ESRRG: variants seen among roughly 807,000 people sequenced by gnomAD.
ESRRG encodes the protein estrogen related receptor gamma.
ESRRG carries 13 observed loss-of-function variants against 44.0 expected under a neutral mutation model. The ratio of observed to expected loss-of-function variants is 0.30; its 90% CI spans 0.19 to 0.47. The LOEUF (loss-of-function observed/expected upper bound fraction) is 0.47, where lower values mean the gene tolerates loss of function less well. Among genes scored for constraint, ESRRG ranks in the 20% least tolerant of loss-of-function variants. The pLI is 1.00. For synonymous variants in ESRRG, 215 were observed against 214.6 expected (o/e 1.00, Z -0.02); for missense variants, 395 against 580.6 (o/e 0.68, Z 3.29).
At chr1:216,730,352 AG>A (rs1358728358) in intron 2 of ESRRG, among the ~76,000 whole-genome samples, 4 of 151,938 alleles carry the variant, frequency 2.6e-5, no homozygotes, top group Non-Finnish European at 2.9e-5. Flanking sequence ...AAAGAAAAAA[AG>A]GTACATAGTT....
intron 1 of ESRRG, among the ~76,000 whole-genome samples, chr1:217,107,238 G>A (rs1213960969): frequency 6.6e-6 from 1 of 152,208 alleles, no homozygotes; most frequent in African/African-American, 2.4e-5. Flanking sequence ...CAAATCTCCT[G>A]TTCCTTCGGA....
At position 216,995,002 on chromosome 1, in the gene ESRRG, A is replaced by T. The variant is rs189279660; in HGVS notation, c.-105-55329T>A. Among the ~76,000 whole-genome samples the T allele has an allele frequency of 6.2e-4, 95 of 152,288 alleles. 1 individual carries two copies. Among genetic ancestry groups the T allele is most frequent in the Middle Eastern group, 3.4e-3 (1 of 294 alleles). On this transcript the variant is annotated intron_variant, in intron 1 of 7. Transcript: ENST00000359162. ...CCAGCTTTGCTGTTTACTGTGATGA[A>T]ACAGAAGATGGCATTCGTCTTCAGG...
intron 5 of ESRRG, among the ~76,000 whole-genome samples, chr1:216,523,502 GTTTTT>G (rs572065983): frequency 7.1e-6 from 1 of 141,274 alleles, no homozygotes; most frequent in Non-Finnish European, 1.5e-5. Context: ...TTTTTTTTTT[GTTTTT>G]TTTTTTTTTT....
At chr1:217,066,520 C>T (rs12031786) in intron 1 of ESRRG, among the ~76,000 whole-genome samples, 20,660 of 149,866 alleles carry the variant, frequency 0.14, 2,115 homozygotes, top group East Asian at 0.59. Context: ...GGATTACAGG[C>T]GTTAGCCACT....
chr1:216,805,477 G>A (rs1051901155), intron 2 of ESRRG: 6 of 152,130 alleles, frequency 3.9e-5, no homozygotes, highest in African/African-American at 7.2e-5. Context: ...CCAGTAACAC[G>A]ATACCATGAA....
At position 216,520,749 on chromosome 1, in the gene ESRRG, G is replaced by C. The variant is rs566009177; in HGVS notation, c.863-1328C>G. 5.9e-5 allele frequency among the ~76,000 whole-genome samples: 9 copies of C among 152,226 alleles called. No homozygotes were observed. In the East Asian group the frequency reaches 1.7e-3, roughly 29 times the overall value. ...CACCAGTAATTCTACAGAAAGGAAG[G>C]ACCATTTTTAATAATGCAACTTAAG... On this transcript the variant is annotated intron_variant, in intron 5 of 6. Coordinates refer to ENST00000408911, the MANE Select transcript of ESRRG (RefSeq NM_001438.4).
intron 1 of ESRRG, among the ~76,000 whole-genome samples, chr1:217,029,822 A>T (rs2081789283): frequency 6.6e-6 from 1 of 152,218 alleles, no homozygotes; most frequent in Non-Finnish European, 1.5e-5. Flanking sequence ...CAGGTCCAAA[A>T]AATAAAAACG....
At position 216,506,299 on chromosome 1, in the gene ESRRG, A is replaced by G. The variant is rs973306738; in HGVS notation, c.*640T>C. 27 of 212,898 alleles carry G rather than the reference A, an allele frequency of 1.3e-4. No homozygotes were observed. The highest frequency in any genetic ancestry group is 2.0e-3 in the Middle Eastern group (1 of 500). 13.2% of individuals were successfully genotyped at this position (212,898 alleles called of 1,614,324 possible). ...CTCTTTGATTCCTTAGTCATTGGGGACAGTATGGTTCACAATAAGTTCACT... is the reference window on the plus strand; with the variant it reads ...CTCTTTGATTCCTTAGTCATTGGGGGCAGTATGGTTCACAATAAGTTCACT... On this transcript the variant is annotated 3_prime_UTR_variant, in exon 7 of 7. Transcript: ENST00000408911.
At chr1:216,968,493 AT>A (rs1387825429) in intron 1 of ESRRG, among the ~76,000 whole-genome samples, 1 of 152,068 alleles carries the variant, frequency 6.6e-6, no homozygotes, top group African/African-American at 2.4e-5. Context: ...TGAAAAGGCT[AT>A]TTTTTCCCCA....
chr1:217,117,143 A>C (rs1553290177), intron 1 of ESRRG, among the ~76,000 whole-genome samples: 1 of 152,224 alleles, frequency 6.6e-6, no homozygotes, highest in Non-Finnish European at 1.5e-5. Flanking sequence ...TCAAATCCTG[A>C]ATTGCATACT....
At chr1:216,972,516 T>C (rs1283218625) in intron 1 of ESRRG, among the ~76,000 whole-genome samples, 1 of 152,176 alleles carries the variant, frequency 6.6e-6, no homozygotes, top group Non-Finnish European at 1.5e-5. Context: ...CATACTAACA[T>C]ACAGCAGTAG....
intron 3 of ESRRG, among the ~76,000 whole-genome samples, chr1:216,611,406 T>C (rs1011753042): frequency 2.0e-4 from 30 of 152,058 alleles, no homozygotes; most frequent in Non-Finnish European, 3.5e-4. Flanking sequence ...AGGGAGTCAT[T>C]AGATACAAAA....
rs766306200 is a variant in ESRRG at position 216,503,648 on chromosome 1, ATAAT to A, written c.*3287_*3290del. The A allele has an allele frequency of 6.6e-6, 1 of 152,584 alleles. No individual in the cohort carries two copies. The highest frequency in any genetic ancestry group is 1.5e-5 in the Non-Finnish European group (1 of 67,994). 9.5% of individuals were successfully genotyped at this position (152,584 alleles called of 1,614,324 possible). On this transcript the variant is annotated 3_prime_UTR_variant, in exon 7 of 7. Coordinates refer to ENST00000408911, the MANE Select transcript of ESRRG (RefSeq NM_001438.4). ...TAGGCAGGTAAACAGAGACGCTTAA[ATAAT>A]TAAAATACAATCACCAACACCCATT...
chr1:216,827,324 G>C (rs982036477), intron 2 of ESRRG, among the ~76,000 whole-genome samples: 2 of 152,074 alleles, frequency 1.3e-5, no homozygotes, highest in Non-Finnish European at 1.5e-5. Context: ...TTCTGTCCTG[G>C]TTTTTAAAAT....
chr1:216,798,262 C>T (rs926864840), intron 2 of ESRRG, among the ~76,000 whole-genome samples: 4 of 152,076 alleles, frequency 2.6e-5, no homozygotes, highest in African/African-American at 9.7e-5. Flanking sequence ...CCCTGAGGGT[C>T]CAAAGGCTTG....
intron 1 of ESRRG, chr1:216,714,432 A>G (rs1334330252): frequency 1.0e-5 from 2 of 192,056 alleles, no homozygotes; most frequent in African/African-American, 4.7e-5. Context: ...CATTCCCCCC[A>G]CACTTCAGGT....
chr1:216,707,484 G>T, intron 1 of ESRRG: 1 of 1,528,736 alleles, frequency 6.5e-7, no homozygotes, highest in Non-Finnish European at 8.7e-7. Flanking sequence ...CTTTACATCA[G>T]TTCTAAAAAG....
rs550381844 is a variant in ESRRG at position 216,675,656 on chromosome 1, G to A, written c.472+1420C>T. On this transcript the variant is annotated intron_variant, in intron 2 of 6. Transcript: ENST00000408911. ...AATTAGCATCAGGATTACCCAGAGGGTTGGTAAAATGCAGATTGCTAGGCC... is the reference window on the plus strand; with the variant it reads ...AATTAGCATCAGGATTACCCAGAGGATTGGTAAAATGCAGATTGCTAGGCC... 2.2e-4 allele frequency among the ~76,000 whole-genome samples: 33 copies of A among 152,282 alleles called. No homozygotes were observed. The East Asian group carries it at 6.0e-3, about 28-fold the overall frequency.
At chr1:217,063,876 T>C (rs1580291632) in intron 1 of ESRRG, among the ~76,000 whole-genome samples, 1 of 152,288 alleles carries the variant, frequency 6.6e-6, no homozygotes, top group East Asian at 1.9e-4. Flanking sequence ...CAGACTACAC[T>C]TCTTGGAAAG....
Sources: allele counts gnomAD v4.1 joint callset (sites outside exome capture counted in the v4.1 genomes callset), GRCh38; gene constraint gnomAD v4.1.1; transcripts MANE v1.5; gene names NCBI Gene and HGNC (gene_info 2026-07-23, HGNC 2026-07-21).